ZPBP: variants seen among roughly 807,000 people sequenced by gnomAD.
ZPBP encodes the protein zona pellucida-binding protein 1.
In ZPBP, 26 loss-of-function variants were observed where a neutral mutation model predicts 44.8. That is an observed-to-expected ratio of 0.58 (90% CI 0.43 to 0.81). The LOEUF (loss-of-function observed/expected upper bound fraction) is 0.81. Among genes scored for constraint, ZPBP ranks in the 30% least tolerant of loss-of-function variants. The probability of loss-of-function intolerance (pLI) is 0.00; values close to 1 mark genes in which losing one functional copy is unlikely to be tolerated. For missense variants in ZPBP, 409 were observed against 434.0 expected (o/e 0.94, Z 0.51); for synonymous variants, 174 against 153.2 (o/e 1.14, Z -1.00).
At chr7:49,893,594 A>G (rs1479052471) in intron 2 of ZPBP, among the ~76,000 whole-genome samples, 1 of 151,870 alleles carries the variant, frequency 6.6e-6, no homozygotes, top group Non-Finnish European at 1.5e-5. Context: ...ACATATTTTT[A>G]GTTTACTCTT....
intron 4 of ZPBP, among the ~76,000 whole-genome samples, chr7:50,038,421 T>G (rs981923129): frequency 2.6e-5 from 4 of 152,174 alleles, no homozygotes; most frequent in Non-Finnish European, 5.9e-5. Flanking sequence ...TCAGAACATA[T>G]CTCAAACACT....
chr7:49,877,462 C>CAA (rs1169480763), intron 2 of ZPBP, among the ~76,000 whole-genome samples: 87 of 7,050 alleles, frequency 0.012, 27 homozygotes, highest in East Asian at 0.033. Context: ...AACTCTGTCT[C>CAA]AAAAAAAAAA....
chr7:50,089,436 T>G (rs949686011), intron 2 of ZPBP, among the ~76,000 whole-genome samples, 193 bp downstream of exon 2: 12 of 152,122 alleles, frequency 7.9e-5, no homozygotes, highest in Non-Finnish European at 1.8e-4. Context: ...TGTATACTTA[T>G]GTAGTTATAG....
Position 49,983,503 on chromosome 7 carries a change from T to C in ZPBP, c.800A>G (p.Glu267Gly), listed in dbSNP as rs1349377632. Residue 267 changes from glutamate (E) to glycine (G), a missense_variant, in exon 7 of 8, where the codon GAG becomes GGG. Physicochemically the swap from Glu to Gly is moderately conservative, Grantham distance 98 (BLOSUM62 -2). Around this residue, in one of 2 missense-constraint regions of ZPBP, gnomAD observed 367 missense variants for 363.1 expected, o/e 1.01. Coordinates refer to ENST00000046087, the MANE Select transcript of ZPBP (RefSeq NM_007009.3). ...TTCTACTTGTTGATTAAAAAATCTC[T>C]CTATGAGATTTTTAGCCTAAAACAT... is the stretch of plus-strand genomic sequence containing the variant. ...KRLFKAKNLI[E>G]RFFNQQVEIL... The C allele has an allele frequency of 6.3e-7, 1 of 1,598,262 alleles. No individual in the cohort carries two copies. The highest frequency in any genetic ancestry group is 1.3e-5 in the African/African-American group (1 of 74,600).
chr7:49,889,239 G>GA (rs768919697), intron 2 of ZPBP, among the ~76,000 whole-genome samples: 5 of 152,212 alleles, frequency 3.3e-5, no homozygotes, highest in Admixed American at 3.3e-4. Flanking sequence ...TTGGAGAAGG[G>GA]GCATTTCCTG....
At chr7:50,062,845 C>T (rs1297692046) in intron 3 of ZPBP, among the ~76,000 whole-genome samples, 1 of 152,148 alleles carries the variant, frequency 6.6e-6, no homozygotes, top group Non-Finnish European at 1.5e-5. Context: ...GTTTTAACTT[C>T]ATATTGTAGC....
At chr7:49,959,202 C>T (rs1301994959) in intron 7 of ZPBP, among the ~76,000 whole-genome samples, 3 of 151,274 alleles carry the variant, frequency 2.0e-5, no homozygotes, top group Non-Finnish European at 4.4e-5. Context: ...GGCAAGAATG[C>T]CTTCTTTTGA....
intron 7 of ZPBP, among the ~76,000 whole-genome samples, chr7:49,978,602 G>C (rs1796633258): frequency 6.6e-6 from 1 of 151,562 alleles, no homozygotes; most frequent in Non-Finnish European, 1.5e-5. Context: ...ATATAAACAT[G>C]GTATATCATT....
chr7:49,957,952 C>T (rs1315864424), intron 7 of ZPBP, among the ~76,000 whole-genome samples: 1 of 152,236 alleles, frequency 6.6e-6, no homozygotes. Flanking sequence ...GCACAACCCC[C>T]ACCCCAGTGT....
chr7:49,986,171 T>G (rs902407186), intron 6 of ZPBP, among the ~76,000 whole-genome samples: 2 of 152,142 alleles, frequency 1.3e-5, no homozygotes, highest in Non-Finnish European at 2.9e-5. Flanking sequence ...AAGCATCTTT[T>G]CCCCTCTTGT....
At chr7:49,887,981 A>G (rs906838329) in intron 2 of ZPBP, among the ~76,000 whole-genome samples, 28 of 152,016 alleles carry the variant, frequency 1.8e-4, no homozygotes, top group Middle Eastern at 6.8e-3. Context: ...TTCACAATGC[A>G]TTGCCCTTCA....
downstream of ZPBP, chr7:49,936,139 TTTACTC>T (rs1463652358): frequency 6.6e-6 from 1 of 152,198 alleles, no homozygotes; most frequent in Admixed American, 6.5e-5. Context: ...TAGTAAGTCT[TTTACTC>T]TTTACAAAAT....
intron 1 of ZPBP, chr7:49,911,925 A>ACG (rs1793470659): frequency 3.4e-6 from 2 of 590,040 alleles, no homozygotes; most frequent in Admixed American, 8.3e-5. Flanking sequence ...AAATACACGC[A>ACG]CACACACACA....
intron 2 of ZPBP, among the ~76,000 whole-genome samples, chr7:49,894,498 G>T (rs1792284713): frequency 6.6e-6 from 1 of 152,220 alleles, no homozygotes; most frequent in Non-Finnish European, 1.5e-5. Flanking sequence ...AAACATAGTG[G>T]CAATTTATCC....
intron 3 of ZPBP, among the ~76,000 whole-genome samples, chr7:50,064,419 C>A (rs934933060): frequency 6.6e-6 from 1 of 152,092 alleles, no homozygotes; most frequent in African/African-American, 2.4e-5. Flanking sequence ...TGAGATCAAC[C>A]GGTCTGACCA....
intron 2 of ZPBP, among the ~76,000 whole-genome samples, chr7:49,898,260 G>C (rs530525145): frequency 6.6e-6 from 1 of 151,562 alleles, no homozygotes; most frequent in African/African-American, 2.4e-5. Flanking sequence ...TAAATACATT[G>C]TTGCTGTTAT....
intron 6 of ZPBP, among the ~76,000 whole-genome samples, chr7:50,000,110 T>C (rs1255165026): frequency 1.3e-5 from 2 of 152,174 alleles, no homozygotes; most frequent in Non-Finnish European, 2.9e-5. Flanking sequence ...GTATAGATAT[T>C]ATAATTTATA....
Position 49,980,121 on chromosome 7 carries a change from A to C in ZPBP, c.961+3221T>G, listed in dbSNP as rs1184508363. Reference sequence around the variant, plus strand: ...ATATATAATTATAATATAATTTTATATTATAATTATATATTATATTTATAT... The same window carrying C: ...ATATATAATTATAATATAATTTTATCTTATAATTATATATTATATTTATAT... On this transcript the variant is annotated intron_variant, in intron 7 of 7. Transcript: ENST00000046087. Among the ~76,000 whole-genome samples the C allele has an allele frequency of 6.6e-5, 7 of 105,268 alleles. No homozygotes were observed. In the East Asian group the frequency reaches 1.5e-3, roughly 22 times the overall value. The allele number at this position is 105,268 out of a possible 152,430, so 69.1% of individuals were successfully genotyped here.
chr7:49,894,893 G>A (rs375963716), intron 2 of ZPBP, among the ~76,000 whole-genome samples: 30 of 152,332 alleles, frequency 2.0e-4, no homozygotes, highest in Middle Eastern at 6.8e-3. Context: ...AGCAGTAGGC[G>A]CCGAACACAG....
Sources: allele counts gnomAD v4.1 joint callset (sites outside exome capture counted in the v4.1 genomes callset), GRCh38; gene constraint gnomAD v4.1.1; regional missense constraint gnomAD v4.1.1; transcripts MANE v1.5; gene names NCBI Gene and HGNC (gene_info 2026-07-23, HGNC 2026-07-21).